ROBO2: variants seen among roughly 807,000 people sequenced by gnomAD.
The protein encoded by ROBO2 is roundabout homolog 2.
Under a neutral mutation model 160.8 loss-of-function variants are expected in ROBO2, and 53 were observed. The observed-to-expected ratio is 0.33, with a 90% CI of 0.26 to 0.41. The LOEUF is 0.41. Ranked by LOEUF, ROBO2 falls within the 10% of genes least tolerant of loss-of-function variation. ROBO2 has a pLI of 1.00. For synonymous variants in ROBO2, 664 were observed against 611.7 expected (o/e 1.09, Z -1.26); for missense variants, 1,577 against 1,722.4 (o/e 0.92, Z 1.49).
chr3:75,964,967 T>A (rs922077138), intron 2 of ROBO2: 3 of 151,724 alleles, frequency 2.0e-5, no homozygotes, highest in Admixed American at 6.6e-5. Flanking sequence ...TTATTTATTT[T>A]TTCTGTTTAT....
intron 2 of ROBO2, among the ~76,000 whole-genome samples, chr3:76,308,376 C>CAAAAAAAAAAAAAAAA (rs71277580): frequency 5.8e-5 from 5 of 85,512 alleles, no homozygotes; most frequent in Non-Finnish European, 1.1e-4. Context: ...GACTCTGTCT[C>CAAAAAAAAAAAAAAAA]AAAAAAAAAA....
chr3:76,498,159 G>A (rs1015088648), intron 2 of ROBO2, among the ~76,000 whole-genome samples: 3 of 152,082 alleles, frequency 2.0e-5, no homozygotes, highest in African/African-American at 7.2e-5. Flanking sequence ...AAGTGTATAT[G>A]TACTCCAAAC....
chr3:76,406,106 A>G (rs1482654786), intron 2 of ROBO2, among the ~76,000 whole-genome samples: 5 of 151,766 alleles, frequency 3.3e-5, no homozygotes, highest in Admixed American at 2.6e-4. Context: ...TTCAGTATTG[A>G]TTGTATTCAT....
intron 1 of ROBO2, among the ~76,000 whole-genome samples, chr3:77,094,217 T>A (rs2070733489): frequency 6.6e-6 from 1 of 152,198 alleles, no homozygotes; most frequent in Non-Finnish European, 1.5e-5. Context: ...ATTTTCCTTC[T>A]CTGGACATGT....
chr3:77,167,846 C>T (rs1383832093), intron 2 of ROBO2, among the ~76,000 whole-genome samples: 1 of 152,058 alleles, frequency 6.6e-6, no homozygotes. Context: ...GACAACTGGA[C>T]CTTCTTTTCT....
intron 2 of ROBO2, among the ~76,000 whole-genome samples, chr3:76,901,514 G>T (rs2075226603): frequency 7.3e-6 from 1 of 136,256 alleles, no homozygotes; most frequent in African/African-American, 2.8e-5. Flanking sequence ...GTTACAGTGA[G>T]CTGAGATCGC....
chr3:76,709,827 C>T, intron 2 of ROBO2, among the ~76,000 whole-genome samples: 1 of 152,118 alleles, frequency 6.6e-6, no homozygotes, highest in South Asian at 2.1e-4. Flanking sequence ...AATGTCAATA[C>T]TGAAAGAGAC....
chr3:77,178,156 G>T (rs1004499271), intron 2 of ROBO2, among the ~76,000 whole-genome samples: 6 of 152,010 alleles, frequency 3.9e-5, no homozygotes, highest in African/African-American at 1.4e-4. Context: ...AGAACATGCT[G>T]TTGAGGTATG....
At chr3:76,551,253 G>A (rs1010454572) in intron 2 of ROBO2, among the ~76,000 whole-genome samples, 5 of 152,010 alleles carry the variant, frequency 3.3e-5, no homozygotes, top group East Asian at 1.9e-4. Flanking sequence ...TCCTCAATTC[G>A]TAAGAACGAC....
At chr3:77,579,416 T>A (rs1583067749) in intron 15 of ROBO2, among the ~76,000 whole-genome samples, 1 of 152,162 alleles carries the variant, frequency 6.6e-6, no homozygotes, top group East Asian at 1.9e-4. Context: ...CTTAGGTCAA[T>A]TCATCTTGTT....
intron 7 of ROBO2, 60 bp from the exon 9 acceptor site, chr3:77,550,758 A>T: frequency 6.5e-7 from 1 of 1,548,312 alleles, no homozygotes; most frequent in Non-Finnish European, 8.9e-7. Context: ...AGTAGCTTTT[A>T]TTCACATAAT....
intron 2 of ROBO2, among the ~76,000 whole-genome samples, chr3:76,079,616 T>G (rs2068753173): frequency 6.6e-6 from 1 of 151,830 alleles, no homozygotes; most frequent in Non-Finnish European, 1.5e-5. Context: ...CCCGAGTAGC[T>G]GGGATTAGAG....
intron 2 of ROBO2, among the ~76,000 whole-genome samples, chr3:77,399,100 T>G (rs2075563902): frequency 6.6e-6 from 1 of 152,188 alleles, no homozygotes; most frequent in Non-Finnish European, 1.5e-5. Flanking sequence ...TTTGATTTTT[T>G]AAAAATATAT....
intron 2 of ROBO2, among the ~76,000 whole-genome samples, chr3:76,610,067 G>A (rs2087968840): frequency 6.6e-6 from 1 of 152,182 alleles, no homozygotes; most frequent in Non-Finnish European, 1.5e-5. Flanking sequence ...GCTTGGTCAT[G>A]ATGAAAAAAT....
At chr3:77,511,115 G>A (rs1183518133) in intron 5 of ROBO2, among the ~76,000 whole-genome samples, 1 of 151,966 alleles carries the variant, frequency 6.6e-6, no homozygotes, top group Non-Finnish European at 1.5e-5. Flanking sequence ...AAATACAAGA[G>A]AATGAGATGA....
chr3:76,304,663 GT>G (rs2071231211), intron 2 of ROBO2, among the ~76,000 whole-genome samples: 1 of 152,150 alleles, frequency 6.6e-6, no homozygotes, highest in Non-Finnish European at 1.5e-5. Context: ...ACACAGCTAA[GT>G]TTGCCCTGAT....
chr3:76,795,089 C>G (rs2063601868), intron 2 of ROBO2, among the ~76,000 whole-genome samples: 1 of 151,974 alleles, frequency 6.6e-6, no homozygotes, highest in South Asian at 2.1e-4. Flanking sequence ...ACCATTATGT[C>G]TAAAAATGTT....
chr3:77,091,619 G>T (rs911178941), intron 1 of ROBO2, among the ~76,000 whole-genome samples: 1 of 152,006 alleles, frequency 6.6e-6, no homozygotes, highest in Admixed American at 6.6e-5. Flanking sequence ...GGTAAGCATG[G>T]AAAAAATGCA....
At chr3:76,610,850 C>T (rs1267359204) in intron 2 of ROBO2, among the ~76,000 whole-genome samples, 1 of 152,222 alleles carries the variant, frequency 6.6e-6, no homozygotes, top group Non-Finnish European at 1.5e-5. Context: ...CTTTTACTCT[C>T]ACTGCGCGCC....
Sources: gnomAD v4.1 joint callset for allele counts (sites outside exome capture counted in the v4.1 genomes callset) on GRCh38, gnomAD v4.1.1 for gene constraint, MANE v1.5 for transcripts, NCBI Gene and HGNC (gene_info 2026-07-23, HGNC 2026-07-21) for gene names.